HAO1: variants seen among roughly 807,000 people sequenced by gnomAD.
The protein encoded by HAO1 is 2-Hydroxyacid oxidase 1.
HAO1 carries 34 observed loss-of-function variants against 39.7 expected under a neutral mutation model. The observed-to-expected ratio is 0.86, with a 90% confidence interval of 0.65 to 1.14. The LOEUF is 1.14. Ranked by LOEUF, HAO1 falls within the 50% of genes most tolerant of loss-of-function variation. The probability of loss-of-function intolerance (pLI) is 0.00; values close to 1 mark genes in which losing one functional copy is unlikely to be tolerated. For missense variants in HAO1, 479 were observed against 464.5 expected, an observed-to-expected ratio of 1.03 and a Z score of -0.29; for synonymous variants, 172 against 173.2, an observed-to-expected ratio of 0.99 and a Z score of 0.05.
At chr20:7,895,594 C>CAA (rs775878126) in intron 4 of HAO1, among the ~76,000 whole-genome samples, 13 of 123,800 alleles carry the variant, frequency 1.1e-4, no homozygotes, top group African/African-American at 4.1e-4. Flanking sequence ...TTTGGATAGC[C>CAA]AAAAAAAAAA....
intron 3 of HAO1, among the ~76,000 whole-genome samples, chr20:7,912,245 A>G (rs2050283597): frequency 6.6e-6 from 1 of 152,168 alleles, no homozygotes; most frequent in South Asian, 2.1e-4. Context: ...AAGGGGGGAA[A>G]GCAAATCAAC....
At chr20:7,899,885 T>C (rs1036570584) in intron 4 of HAO1, among the ~76,000 whole-genome samples, 36 of 152,300 alleles carry the variant, frequency 2.4e-4, no homozygotes, top group African/African-American at 7.9e-4. Flanking sequence ...ATTAAGTACA[T>C]TGATTGATAG....
chr20:7,932,521 G>C (rs147189532), intron 2 of HAO1, among the ~76,000 whole-genome samples: 3 of 152,132 alleles, frequency 2.0e-5, no homozygotes, highest in Non-Finnish European at 4.4e-5. Context: ...AATCAGAAGA[G>C]TATAAAGTCA....
intron 4 of HAO1, among the ~76,000 whole-genome samples, chr20:7,903,729 TGTG>T (rs1291237769): frequency 8.0e-5 from 10 of 124,734 alleles, no homozygotes; most frequent in East Asian, 2.5e-4. Context: ...TGGTGGTAGT[TGTG>T]GTGGTGGTGG....
rs1357189257 is a variant in HAO1 at position 7,933,229 on chromosome 20, G to C, written c.289+1255C>G. ...ATATAAGGGCTTTTTACGTGGAAAGGACATTAACCCTTCACAGTCTCATAT... is the reference window on the plus strand; with the variant it reads ...ATATAAGGGCTTTTTACGTGGAAAGCACATTAACCCTTCACAGTCTCATAT... On this transcript the variant is annotated intron_variant, in intron 2 of 7. Transcript: ENST00000378789. Among the ~76,000 whole-genome samples the C allele has an allele frequency of 3.9e-5, 6 of 152,092 alleles. No individual in the cohort carries two copies. In the South Asian group the frequency reaches 1.0e-3, roughly 26 times the overall value.
intron 2 of HAO1, among the ~76,000 whole-genome samples, chr20:7,920,598 C>G (rs778806133): frequency 6.6e-6 from 1 of 152,084 alleles, no homozygotes; most frequent in African/African-American, 2.4e-5. Flanking sequence ...CCTCTCCCAG[C>G]CTCTGGTAGC....
chr20:7,913,130 G>A (rs545203889), intron 3 of HAO1, among the ~76,000 whole-genome samples: 16 of 143,636 alleles, frequency 1.1e-4, no homozygotes, highest in African/African-American at 3.3e-4. Context: ...GGCTTCTTTC[G>A]TCTTTTATCT....
intron 3 of HAO1, among the ~76,000 whole-genome samples, chr20:7,910,945 T>C (rs532137916): frequency 6.6e-6 from 1 of 151,664 alleles, no homozygotes; most frequent in Non-Finnish European, 1.5e-5. Flanking sequence ...TATTGTGGTT[T>C]CCCAATATAG....
intron 3 of HAO1, 53 bp from the exon 4 acceptor site, chr20:7,906,382 C>T: frequency 1.0e-6 from 1 of 955,844 alleles, no homozygotes; most frequent in South Asian, 1.4e-5. Flanking sequence ...AAATACGTTT[C>T]CAATGATTCA....
intron 3 of HAO1, among the ~76,000 whole-genome samples, chr20:7,909,377 A>G (rs898778242): frequency 2.6e-4 from 26 of 100,122 alleles, no homozygotes; most frequent in South Asian, 7.0e-4. Context: ...ATATATATAT[A>G]TGTATATATA....
chr20:7,896,791 A>T (rs548844581), intron 4 of HAO1, among the ~76,000 whole-genome samples: 1 of 152,204 alleles, frequency 6.6e-6, no homozygotes, highest in South Asian at 2.1e-4. Context: ...CTTTTCAATT[A>T]TTTGATCTAA....
At chr20:7,916,150 G>A (rs1436249984) in intron 2 of HAO1, among the ~76,000 whole-genome samples, 1 of 152,090 alleles carries the variant, frequency 6.6e-6, no homozygotes, top group Non-Finnish European at 1.5e-5. Flanking sequence ...ATGAGTGATA[G>A]GTAGGCTTTC....
Position 7,925,307 on chromosome 20 carries a change from G to T in HAO1, c.289+9177C>A, listed in dbSNP as rs80270507. 2.6e-5 allele frequency among the ~76,000 whole-genome samples: 4 copies of T among 152,210 alleles called. No homozygotes were observed. The East Asian group carries it at 7.7e-4, about 29-fold the overall frequency. Reference sequence around the variant, plus strand: ...AAAGACCAAGAAACCAGATTTAATCGTTGCCGTGCTTTCATCATGGCCCAT... The same window carrying T: ...AAAGACCAAGAAACCAGATTTAATCTTTGCCGTGCTTTCATCATGGCCCAT... On this transcript the variant is annotated intron_variant, in intron 2 of 7. Coordinates refer to ENST00000378789, the MANE Select transcript of HAO1 (RefSeq NM_017545.3).
At chr20:7,924,984 T>C (rs998203243) in intron 2 of HAO1, among the ~76,000 whole-genome samples, 3 of 152,148 alleles carry the variant, frequency 2.0e-5, no homozygotes, top group African/African-American at 7.2e-5. Flanking sequence ...GGGCCTGTCA[T>C]AGTGAAGTGT....
chr20:7,895,012 A>G, intron 5 of HAO1, 121 bp downstream of exon 5: 4 of 684,256 alleles, frequency 5.8e-6, no homozygotes, highest in Non-Finnish European at 1.0e-5. Context: ...ACATATTTGC[A>G]CGTATTTCAC....
intron 4 of HAO1, among the ~76,000 whole-genome samples, chr20:7,896,444 G>A (rs1034053554): frequency 7.9e-5 from 12 of 152,108 alleles, no homozygotes; most frequent in African/African-American, 1.9e-4. Context: ...AATTTTAAAA[G>A]ACAAGATAAT....
At chr20:7,888,401 T>C (rs1313939081) in intron 5 of HAO1, among the ~76,000 whole-genome samples, 1 of 152,124 alleles carries the variant, frequency 6.6e-6, no homozygotes, top group Non-Finnish European at 1.5e-5. Flanking sequence ...CACCTTTCCA[T>C]CTTCCTATTG....
chr20:7,934,201 G>C (rs1232835268), intron 2 of HAO1, among the ~76,000 whole-genome samples: 1 of 152,080 alleles, frequency 6.6e-6, no homozygotes, highest in East Asian at 1.9e-4. Flanking sequence ...TTGTATACCT[G>C]AACTCATTCA....
At chr20:7,885,649 T>C (rs2050147529) in intron 6 of HAO1, 57 bp downstream of exon 6, 2 of 1,564,788 alleles carry the variant, frequency 1.3e-6, no homozygotes, top group Non-Finnish European at 1.8e-6. Context: ...CTTGTTTTAT[T>C]CATTTGTTTT....
Sources: gnomAD v4.1 joint callset for allele counts (sites outside exome capture counted in the v4.1 genomes callset) on GRCh38, gnomAD v4.1.1 for gene constraint, MANE v1.5 for transcripts, NCBI Gene and HGNC (gene_info 2026-07-23, HGNC 2026-07-21) for gene names.